The following SCAI variants were observed in gnomAD, a reference collection of about 807,000 sequenced individuals.
SCAI encodes the protein protein SCAI.
Under a neutral mutation model 92.2 loss-of-function variants are expected in SCAI, and 24 were observed. The ratio of observed to expected loss-of-function variants is 0.26; its 90% CI spans 0.19 to 0.37. The LOEUF (loss-of-function observed/expected upper bound fraction) is 0.37, where lower values mean the gene tolerates loss of function less well. Ranked by LOEUF, SCAI falls within the 10% of genes least tolerant of loss-of-function variation. The probability of loss-of-function intolerance (pLI) is 1.00; values close to 1 mark genes in which losing one functional copy is unlikely to be tolerated. For synonymous variants in SCAI, 261 were observed against 258.6 expected (o/e 1.01, Z -0.09); for missense variants, 450 against 736.2 (o/e 0.61, Z 4.50).
chr9:125,074,560 T>C (rs1161787285), intron 2 of SCAI, among the ~76,000 whole-genome samples: 1 of 151,296 alleles, frequency 6.6e-6, no homozygotes, highest in Non-Finnish European at 1.5e-5. Context: ...TCATTCTGCC[T>C]TATTTTCAGA....
At position 125,003,363 on chromosome 9, in the gene SCAI, T is replaced by C. The variant is rs1169384637; in HGVS notation, c.963+106A>G. The C allele has an allele frequency of 9.5e-5, 96 of 1,015,088 alleles. 1 individual carries two copies. The South Asian group carries it at 1.2e-3, about 13-fold the overall frequency. 62.9% of individuals were successfully genotyped at this position (1,015,088 alleles called of 1,614,324 possible). ...ATCTATTTCTCCATGTCTCATCAAG[T>C]GAATTCTTTATTCAAGGCTGTAGTA... On this transcript the variant is annotated intron_variant, in intron 10 of 17. Transcript: ENST00000336505.
At chr9:124,993,442 T>G (rs903125431) in intron 14 of SCAI, among the ~76,000 whole-genome samples, 5 of 152,128 alleles carry the variant, frequency 3.3e-5, no homozygotes, top group African/African-American at 1.2e-4. Flanking sequence ...TACTAAAAAT[T>G]AGCCGGGCAT....
intron 14 of SCAI, among the ~76,000 whole-genome samples, chr9:124,976,725 C>T (rs1052839857): frequency 5.3e-5 from 8 of 152,054 alleles, no homozygotes; most frequent in African/African-American, 1.9e-4. Flanking sequence ...GGTATATCTA[C>T]AAGGGAAGTA....
At chr9:125,023,701 C>G (rs1218581697) in intron 6 of SCAI, among the ~76,000 whole-genome samples, 1 of 151,852 alleles carries the variant, frequency 6.6e-6, no homozygotes, top group Non-Finnish European at 1.5e-5. Flanking sequence ...TAAACTGCCA[C>G]ACAGTACAAA....
intron 2 of SCAI, among the ~76,000 whole-genome samples, chr9:125,108,632 CCGGCAGCCGCCCCG>C: frequency 6.7e-6 from 1 of 148,998 alleles, no homozygotes; most frequent in Non-Finnish European, 1.5e-5. Context: ...GCCCCTCCGC[CCGGCAGCCGCCCCG>C]TCTGAGAAGT....
At chr9:125,006,921 C>T (rs998764808) in intron 9 of SCAI, among the ~76,000 whole-genome samples, 1 of 152,070 alleles carries the variant, frequency 6.6e-6, no homozygotes, top group African/African-American at 2.4e-5. Flanking sequence ...GAGTTTGAGA[C>T]GAGCCTGGCC....
chr9:125,069,055 A>G lies in SCAI; in HGVS notation c.99-13048T>C, dbSNP rs553173079. Among the ~76,000 whole-genome samples the G allele has an allele frequency of 2.6e-5, 4 of 151,666 alleles. No individual in the cohort carries two copies. The East Asian group carries it at 7.9e-4, about 30-fold the overall frequency. ...ACATGGTGAAACTCCTGTCTCTACTAAAAATACAAAAAATTAGCCAGGCCT... is the reference window on the plus strand; with the variant it reads ...ACATGGTGAAACTCCTGTCTCTACTGAAAATACAAAAAATTAGCCAGGCCT... On this transcript the variant is annotated intron_variant, in intron 2 of 17. Transcript: ENST00000336505.
chr9:125,062,911 T>C (rs992095788), intron 2 of SCAI, among the ~76,000 whole-genome samples: 2 of 151,088 alleles, frequency 1.3e-5, no homozygotes, highest in Non-Finnish European at 2.9e-5. Flanking sequence ...TCCCAGCTAC[T>C]TGGGAGGCTG....
chr9:124,977,409 G>A (rs1390764280), intron 14 of SCAI, among the ~76,000 whole-genome samples: 7 of 150,552 alleles, frequency 4.6e-5, no homozygotes, highest in African/African-American at 7.3e-5. Flanking sequence ...GCCCGGCACA[G>A]TGGCTCACGA....
intron 2 of SCAI, among the ~76,000 whole-genome samples, chr9:125,138,344 T>G (rs1056445104): frequency 4.7e-5 from 7 of 147,606 alleles, no homozygotes; most frequent in African/African-American, 1.7e-4. Flanking sequence ...CAACCTCCAC[T>G]TCCTGGGTCC....
chr9:125,022,341 C>T (rs1043834640), intron 6 of SCAI, among the ~76,000 whole-genome samples: 3 of 152,212 alleles, frequency 2.0e-5, no homozygotes, highest in Middle Eastern at 3.4e-3. Flanking sequence ...ATAAGAAATG[C>T]GTATACACGT....
intron 9 of SCAI, among the ~76,000 whole-genome samples, chr9:125,012,461 C>T (rs752203022): frequency 2.6e-5 from 4 of 152,104 alleles, no homozygotes; most frequent in African/African-American, 9.7e-5. Flanking sequence ...GTAAAGGGAT[C>T]GATTCAACAA....
intron 10 of SCAI, 93 bp downstream of exon 10, chr9:125,003,376 C>T (rs1832405181): frequency 1.9e-6 from 2 of 1,038,318 alleles, no homozygotes; most frequent in Admixed American, 1.8e-5. Context: ...ATTCTTTATT[C>T]AAGGCTGTAG....
chr9:125,009,404 G>A (rs1832584107), intron 9 of SCAI, among the ~76,000 whole-genome samples: 1 of 152,102 alleles, frequency 6.6e-6, no homozygotes, highest in Non-Finnish European at 1.5e-5. Flanking sequence ...CAAGTAGCTG[G>A]AATTATAGGC....
At chr9:125,069,473 AC>A (rs1833935052) in intron 2 of SCAI, among the ~76,000 whole-genome samples, 2 of 149,574 alleles carry the variant, frequency 1.3e-5, no homozygotes. Flanking sequence ...GCCCACCACC[AC>A]GCCCGGCTAA....
chr9:124,977,025 C>T (rs1831773208), intron 14 of SCAI, among the ~76,000 whole-genome samples: 2 of 151,896 alleles, frequency 1.3e-5, no homozygotes, highest in South Asian at 4.2e-4. Context: ...CATGCCACCA[C>T]ACCTGGCTAA....
chr9:124,959,220 C>T lies in SCAI; in HGVS notation c.1675-6267G>A, dbSNP rs954818029. Among the ~76,000 whole-genome samples, 183 of 145,776 alleles carry T rather than the reference C, an allele frequency of 1.3e-3. 2 individuals carry two copies. Among genetic ancestry groups the T allele is most frequent in the African/African-American group, 4.3e-3 (168 of 39,486 alleles). On this transcript the variant is annotated intron_variant, in intron 17 of 17. Coordinates refer to ENST00000336505, the MANE Select transcript of SCAI (RefSeq NM_001144877.3). The stretch of plus-strand genomic sequence containing the variant: ...CATGTATACATATGTAACAAACCTG[C>T]ATGTTGTGCACATGTACCCTAAAAC...
At chr9:124,978,415 T>C (rs1308212384) in intron 14 of SCAI, among the ~76,000 whole-genome samples, 1 of 152,242 alleles carries the variant, frequency 6.6e-6, no homozygotes, top group Non-Finnish European at 1.5e-5. Flanking sequence ...CACTCCAGCC[T>C]GGATGACAGA....
At chr9:124,966,727 C>T (rs1337522517) in intron 17 of SCAI, among the ~76,000 whole-genome samples, 2 of 151,752 alleles carry the variant, frequency 1.3e-5, no homozygotes, top group African/African-American at 2.4e-5. Flanking sequence ...AATTTTATTT[C>T]AGGAGAAAGA....
Sources: allele counts gnomAD v4.1 joint callset (sites outside exome capture counted in the v4.1 genomes callset), GRCh38; gene constraint gnomAD v4.1.1; transcripts MANE v1.5; gene names NCBI Gene and HGNC (gene_info 2026-07-23, HGNC 2026-07-21).